ABCC4: variants seen among roughly 807,000 people sequenced by gnomAD.
ABCC4 encodes the protein ATP-binding cassette sub-family C member 4.
ABCC4 carries 102 observed loss-of-function variants against 168.5 expected under a neutral mutation model. That is an observed-to-expected ratio of 0.61 (90% CI 0.52 to 0.71). The LOEUF (loss-of-function observed/expected upper bound fraction) is 0.71. ABCC4 is among the 30% of genes least tolerant of loss of function. The pLI is 0.00. For missense variants in ABCC4, 1,402 were observed against 1,605.8 expected (o/e 0.87, Z 2.17); for synonymous variants, 617 against 590.7 (o/e 1.04, Z -0.65).
At chr13:95,065,694 C>T (rs1340130729) in intron 25 of ABCC4, among the ~76,000 whole-genome samples, 1 of 152,132 alleles carries the variant, frequency 6.6e-6, no homozygotes, top group Non-Finnish European at 1.5e-5. Flanking sequence ...TGTGGAATTG[C>T]TGAGGAACAG....
In ABCC4 at chr13:95,164,408, A is replaced by C. The variant is rs769367700; in HGVS notation, c.2145T>G (p.Ile715Met). The change falls in exon 16 of 31, where the codon ATT becomes ATG. Residue 715 changes from isoleucine (I) to methionine (M), a missense_variant. By Grantham distance (10) the Ile-to-Met change is conservative. Coordinates refer to ENST00000645237, the MANE Select transcript of ABCC4 (RefSeq NM_005845.5). ...CTGCAGTGTTTAGGAGAATAAGGAA[A>C]ATGAAGACAATCCAGTGAGCACCAG... Reference protein sequence around the residue: ...FRAGAHWIVFIFLILLNTAAQ... With the variant: ...FRAGAHWIVFMFLILLNTAAQ... 1 of 1,614,176 alleles carries C rather than the reference A, an allele frequency of 6.2e-7. No homozygotes were observed. Among genetic ancestry groups the C allele is most frequent in the Non-Finnish European group, 8.5e-7 (1 of 1,180,014 alleles).
chr13:95,137,329 G>A (rs2036173981), intron 19 of ABCC4, among the ~76,000 whole-genome samples: 3 of 152,192 alleles, frequency 2.0e-5, no homozygotes, highest in African/African-American at 7.2e-5. Flanking sequence ...CCAGCTCACA[G>A]GCCTCAGCTG....
At chr13:95,217,220 T>A (rs2039140730) in intron 4 of ABCC4, among the ~76,000 whole-genome samples, 1 of 152,244 alleles carries the variant, frequency 6.6e-6, no homozygotes, top group Non-Finnish European at 1.5e-5. Context: ...ATATCTAGCT[T>A]CATTTGAAAA....
chr13:95,165,261 G>A (rs1174127403), intron 15 of ABCC4, among the ~76,000 whole-genome samples: 1 of 152,154 alleles, frequency 6.6e-6, no homozygotes, highest in Non-Finnish European at 1.5e-5. Flanking sequence ...ACAGTAACTG[G>A]GGTCAAGCAG....
At chr13:95,076,645 A>G (rs2033918290) in intron 21 of ABCC4, among the ~76,000 whole-genome samples, 1 of 151,528 alleles carries the variant, frequency 6.6e-6, no homozygotes, top group African/African-American at 2.4e-5. Context: ...TTGAATTTTT[A>G]GTAGAGACAT....
intron 20 of ABCC4, among the ~76,000 whole-genome samples, chr13:95,085,582 T>C (rs2034229911): frequency 6.6e-6 from 1 of 152,226 alleles, no homozygotes; most frequent in Admixed American, 6.5e-5. Flanking sequence ...AAATAATCAC[T>C]TGCGGGTCGC....
chr13:95,139,638 T>C (rs939740553), intron 19 of ABCC4, among the ~76,000 whole-genome samples: 1 of 152,222 alleles, frequency 6.6e-6, no homozygotes, highest in Non-Finnish European at 1.5e-5. Context: ...GGACATTGTT[T>C]AAATGCAGTT....
intron 3 of ABCC4, among the ~76,000 whole-genome samples, chr13:95,243,003 T>A (rs867092446): frequency 9.8e-5 from 15 of 152,366 alleles, no homozygotes; most frequent in Middle Eastern, 3.4e-3. Flanking sequence ...AAAATGAGCA[T>A]CATCCACTAG....
intron 1 of ABCC4, among the ~76,000 whole-genome samples, chr13:95,286,264 C>A (rs1419101198): frequency 6.6e-6 from 1 of 151,668 alleles, no homozygotes; most frequent in East Asian, 1.9e-4. Context: ...GGATTACAGG[C>A]GCCCACCACC....
At chr13:95,120,805 T>G (rs2035544163) in intron 19 of ABCC4, among the ~76,000 whole-genome samples, 2 of 152,170 alleles carry the variant, frequency 1.3e-5, no homozygotes, top group African/African-American at 4.8e-5. Context: ...AATTGACCTG[T>G]GCACTCCAGG....
In ABCC4 at chr13:95,074,269, G is replaced by C. The variant is rs1421853188; in HGVS notation, c.2862C>G (p.Ala954=). 1 of 1,613,872 alleles carries C rather than the reference G, an allele frequency of 6.2e-7. No individual in the cohort carries two copies. The highest frequency in any genetic ancestry group is 8.5e-7 in the Non-Finnish European group (1 of 1,179,966). The change falls in exon 23 of 31, where the codon GCC becomes GCG. Residue 954 remains alanine, a synonymous_variant. Coordinates refer to ENST00000645237, the MANE Select transcript of ABCC4 (RefSeq NM_005845.5). ...TSRWFAVRLD[A]ICAMFVIIVA... Reference sequence around the variant, plus strand: ...CGATGATGACAAACATGGCACAGATGGCATCCAGACGGACGGCAAACCAGC... The same window carrying C: ...CGATGATGACAAACATGGCACAGATCGCATCCAGACGGACGGCAAACCAGC...
intron 13 of ABCC4, among the ~76,000 whole-genome samples, chr13:95,173,788 T>G (rs1298326134): frequency 6.6e-6 from 1 of 152,180 alleles, no homozygotes; most frequent in Non-Finnish European, 1.5e-5. Context: ...GTAATGGTAT[T>G]AGGAGGTGAG....
intron 1 of ABCC4, among the ~76,000 whole-genome samples, chr13:95,283,898 CA>C (rs148305156): frequency 0.15 from 17,661 of 120,182 alleles, 1,152 homozygotes; most frequent in Middle Eastern, 0.3. Flanking sequence ...AACTCCGTCT[CA>C]AAAAAAAAAA....
intron 20 of ABCC4, among the ~76,000 whole-genome samples, chr13:95,104,054 A>G (rs1027875952): frequency 6.6e-6 from 1 of 152,214 alleles, no homozygotes; most frequent in South Asian, 2.1e-4. Flanking sequence ...TTTGGCCAGC[A>G]TGGAAATAAG....
At chr13:95,251,360 A>G (rs1465354199) in intron 1 of ABCC4, among the ~76,000 whole-genome samples, 1 of 152,050 alleles carries the variant, frequency 6.6e-6, no homozygotes, top group Admixed American at 6.5e-5. Context: ...ACCTTTCTGT[A>G]ACAACTGGCC....
intron 13 of ABCC4, among the ~76,000 whole-genome samples, chr13:95,174,955 T>C (rs1033769226): frequency 1.3e-5 from 2 of 152,192 alleles, no homozygotes; most frequent in Non-Finnish European, 2.9e-5. Flanking sequence ...ACATTTACCA[T>C]TTACACCATT....
chr13:95,219,132 T>A (rs1055536183), intron 4 of ABCC4, among the ~76,000 whole-genome samples: 1 of 152,118 alleles, frequency 6.6e-6, no homozygotes, highest in African/African-American at 2.4e-5. Flanking sequence ...ATTCTACCAA[T>A]ACCCATGGAA....
At chr13:95,291,725 G>A (rs751260028) in intron 1 of ABCC4, among the ~76,000 whole-genome samples, 2 of 152,076 alleles carry the variant, frequency 1.3e-5, no homozygotes, top group Non-Finnish European at 2.9e-5. Flanking sequence ...CACTGATGAT[G>A]CCCAAATTGA....
At chr13:95,033,328 A>G (rs2031968785) in intron 30 of ABCC4, among the ~76,000 whole-genome samples, 1 of 152,202 alleles carries the variant, frequency 6.6e-6, no homozygotes, top group South Asian at 2.1e-4. Flanking sequence ...ATGGATGAAC[A>G]GTTTTGATGG....
Sources: gnomAD v4.1 joint callset for allele counts (sites outside exome capture counted in the v4.1 genomes callset) on GRCh38, gnomAD v4.1.1 for gene constraint, MANE v1.5 for transcripts, NCBI Gene and HGNC (gene_info 2026-07-23, HGNC 2026-07-21) for gene names.